Variants in CACNA1G observed in about 807,000 individuals in gnomAD.
CACNA1G encodes the protein calcium voltage-gated channel subunit alpha1 G.
CACNA1G carries 67 observed loss-of-function variants against 219.4 expected under a neutral mutation model. The ratio of observed to expected loss-of-function variants is 0.31; its 90% CI spans 0.25 to 0.37. The LOEUF (loss-of-function observed/expected upper bound fraction) is 0.37. CACNA1G is among the 10% of genes least tolerant of loss of function. The pLI, the probability that CACNA1G is intolerant of heterozygous loss-of-function variation, is 1.00. For missense variants in CACNA1G, 2,380 were observed against 3,231.4 expected, an observed-to-expected ratio of 0.74 and a Z score of 6.39; for synonymous variants, 1,296 against 1,345.3, an observed-to-expected ratio of 0.96 and a Z score of 0.80.
intron 8 of CACNA1G, 35 bp downstream of exon 8, chr17:50,576,361 C>G (rs748417573): frequency 1.6e-4 from 251 of 1,550,250 alleles, no homozygotes; most frequent in Non-Finnish European, 2.0e-4. Context: ...TGGGTGCCCT[C>G]GTCTGGGGAC....
intron 26 of CACNA1G, among the ~76,000 whole-genome samples, chr17:50,612,576 C>T (rs759525135): frequency 5.8e-4 from 89 of 152,264 alleles, no homozygotes; most frequent in Non-Finnish European, 1.1e-3. Flanking sequence ...TGGCCTCTGC[C>T]GTGGGGGGCC....
In CACNA1G at chr17:50,618,961, G is replaced by A. The variant is rs373800859; in HGVS notation, c.5734G>A (p.Ala1912Thr). 2.6e-6 allele frequency: 4 copies of A among 1,560,260 alleles called. No homozygotes were observed. The African/African-American group carries it at 5.4e-5, about 21-fold the overall frequency. ...DSPKPGALHP[A>T]AHARSASHFS... ...CCCCAAGCCTGGGGCTCTGCACCCA[G>A]CGGCCCACGCGAGATCAGCCTCCCA... Residue 1912 changes from alanine to threonine, a missense_variant, in exon 33 of 38, where the codon GCG becomes ACG. This residue lies in a region of CACNA1G where 672 missense variants were observed against 670.5 expected (regional missense o/e 1.00). Transcript: ENST00000359106. The surrounding 1 kb of genome is among the most constrained non-coding windows in gnomAD (Gnocchi z 5.3).
chr17:50,594,853 C>T (rs540638841), intron 13 of CACNA1G, 140 bp from the exon 14 acceptor site: 7 of 629,962 alleles, frequency 1.1e-5, no homozygotes, highest in Non-Finnish European at 2.0e-5. Flanking sequence ...CTCTGCCCCC[C>T]CATTCCCCGT....
At chr17:50,623,184 C>T (rs945114466) in intron 35 of CACNA1G, among the ~76,000 whole-genome samples, 1 of 149,058 alleles carries the variant, frequency 6.7e-6, no homozygotes, top group African/African-American at 2.5e-5. Context: ...TAGCTTTGAC[C>T]CCCCCGGCTC....
rs2039510701 is a variant in CACNA1G at position 50,571,857 on chromosome 17, G to T, written c.587-21G>T. The T allele has an allele frequency of 1.2e-6, 2 of 1,612,256 alleles. No individual in the cohort carries two copies. The highest frequency in any genetic ancestry group is 1.7e-6 in the Non-Finnish European group (2 of 1,179,672). On this transcript the variant is annotated intron_variant, in intron 4 of 37. Coordinates refer to ENST00000359106, the MANE Select transcript of CACNA1G (RefSeq NM_018896.5). This position sits in a 1 kb window ranked among gnomAD's most constrained non-coding sequence, Gnocchi z 4.3. ...TAGCCCGGCCAGCCTGGTGTCCCCAGCGTGGCTTCTGCCCCCACAGGCATG... is the reference window on the plus strand; with the variant it reads ...TAGCCCGGCCAGCCTGGTGTCCCCATCGTGGCTTCTGCCCCCACAGGCATG...
Position 50,618,949 on chromosome 17 carries a change from G to A in CACNA1G, c.5722G>A (p.Ala1908Thr). The change falls in exon 33 of 38, where the codon GCT (alanine) becomes ACT (threonine). Residue 1908 changes from alanine to threonine, a missense_variant. This residue lies in a region of CACNA1G where 672 missense variants were observed against 670.5 expected (regional missense o/e 1.00). Transcript: ENST00000359106. The surrounding 1 kb of genome is among the most constrained non-coding windows in gnomAD (Gnocchi z 5.3). ...PDSPDSPKPGALHPAAHARSA... is the reference protein window; with the variant it reads ...PDSPDSPKPGTLHPAAHARSA... ...CAGCCCCGACAGCCCCAAGCCTGGG[G>A]CTCTGCACCCAGCGGCCCACGCGAG... 1 of 1,587,108 alleles carries A rather than the reference G, an allele frequency of 6.3e-7. No homozygotes were observed. The highest frequency in any genetic ancestry group is 1.1e-5 in the South Asian group (1 of 88,428).
chr17:50,626,711 T>C lies in CACNA1G; in HGVS notation c.7094T>C (p.Leu2365Pro). The change falls in exon 38 of 38, where the codon CTC becomes CCC. Residue 2365 changes from leucine (L) to proline (P), a missense_variant. Leu to Pro is a moderately conservative substitution (Grantham distance 98, BLOSUM62 -3). Coordinates refer to ENST00000359106, the MANE Select transcript of CACNA1G (RefSeq NM_018896.5). This position sits in a 1 kb window ranked among gnomAD's most constrained non-coding sequence, Gnocchi z 4.3. ...SPSPKKDVLS[L>P]SGLSSDPADL... The stretch of plus-strand genomic sequence containing the variant: ...TCCCCAAAGAAAGATGTGCTGAGTC[T>C]CTCCGGTTTATCCTCTGACCCAGCA... 1 of 1,613,246 alleles carries C rather than the reference T, an allele frequency of 6.2e-7. No individual in the cohort carries two copies. Among genetic ancestry groups the C allele is most frequent in the South Asian group, 1.1e-5 (1 of 91,078 alleles).
chr17:50,591,307 C>T lies in CACNA1G; in HGVS notation c.2454-128C>T. On this transcript the variant is annotated intron_variant, in intron 10 of 37. Coordinates refer to ENST00000359106, the MANE Select transcript of CACNA1G (RefSeq NM_018896.5). ...GCTCCTGCTTAGAGGTCTGGGGGCC[C>T]ACCTGTGCCCCATTTTCTCTCGACG... The T allele has an allele frequency of 3.3e-6, 3 of 910,804 alleles. No individual in the cohort carries two copies. The South Asian group carries it at 5.9e-5, about 18-fold the overall frequency. 56.4% of individuals were successfully genotyped at this position (910,804 alleles called of 1,614,324 possible).
chr17:50,617,420 G>GGT lies in CACNA1G; in HGVS notation c.5022-18_5022-17insGT. 2.5e-6 allele frequency: 4 copies of GGT among 1,605,952 alleles called. No homozygotes were observed. The highest frequency in any genetic ancestry group is 3.3e-5 in the Admixed American group (2 of 59,702). ...ACCCCCTCCCCCAACTCAGGGAGCT[G>GGT]TATTCTGGGCTTTCCAGGTGGAACC... On this transcript the variant is annotated splice_polypyrimidine_tract_variant and intron_variant, in intron 28 of 37. Coordinates refer to ENST00000359106, the MANE Select transcript of CACNA1G (RefSeq NM_018896.5). The surrounding 1 kb of genome is among the most constrained non-coding windows in gnomAD (Gnocchi z 5.8).
At chr17:50,624,163 T>C in intron 36 of CACNA1G, 88 bp downstream of exon 36, 1 of 1,493,972 alleles carries the variant, frequency 6.7e-7, no homozygotes, top group Non-Finnish European at 9.2e-7. Flanking sequence ...GATGGGGAAC[T>C]GAGGCAGCCA....
At chr17:50,564,959 TG>T (rs1443631163) in intron 1 of CACNA1G, among the ~76,000 whole-genome samples, 1 of 152,100 alleles carries the variant, frequency 6.6e-6, no homozygotes, top group African/African-American at 2.4e-5. Flanking sequence ...ACCGCTCTGC[TG>T]GGGGACTCCC....
At chr17:50,576,358 C>T (rs756213211) in intron 8 of CACNA1G, 32 bp downstream of exon 8, 1 of 1,553,808 alleles carries the variant, frequency 6.4e-7, no homozygotes, top group Non-Finnish European at 8.7e-7. Flanking sequence ...ATGTGGGTGC[C>T]CTCGTCTGGG....
Position 50,599,481 on chromosome 17 carries a change from C to T in CACNA1G, c.3312C>T (p.Thr1104=), listed in dbSNP as rs2046189660. ...CCTGGAGCGCTGCAAGCAGCTGGAC[C>T]AGCAGGCGCTCCAGCCGGAACAGCC... The part of the protein sequence containing the change: ...HSPWSAASSW[T]SRRSSRNSLG... Residue 1104 remains threonine, a synonymous_variant, in exon 17 of 38, where the codon ACC becomes ACT. Coordinates refer to ENST00000359106, the MANE Select transcript of CACNA1G (RefSeq NM_018896.5). 1 of 1,588,832 alleles carries T rather than the reference C, an allele frequency of 6.3e-7. No homozygotes were observed. Among genetic ancestry groups the T allele is most frequent in the Non-Finnish European group, 8.6e-7 (1 of 1,168,728 alleles).
intron 26 of CACNA1G, among the ~76,000 whole-genome samples, chr17:50,615,116 TG>T (rs1057415383): frequency 1.3e-5 from 2 of 151,678 alleles, no homozygotes; most frequent in Non-Finnish European, 2.9e-5. Context: ...CTAATGTAGG[TG>T]GGGGGCTCTG....
intron 13 of CACNA1G, 27 bp downstream of exon 13, chr17:50,592,119 C>G: frequency 6.3e-7 from 1 of 1,594,460 alleles, no homozygotes; most frequent in Non-Finnish European, 8.6e-7. Flanking sequence ...CCCACCTCAC[C>G]CTGCCCACAG....
At chr17:50,572,917 C>T (rs999330721) in intron 6 of CACNA1G, 63 bp downstream of exon 6, 6 of 1,580,466 alleles carry the variant, frequency 3.8e-6, no homozygotes, top group Non-Finnish European at 1.7e-6. Context: ...AGCCCAGGAT[C>T]GGAGTGGTCG....
intron 8 of CACNA1G, among the ~76,000 whole-genome samples, chr17:50,576,771 C>T (rs2040759585): frequency 6.6e-6 from 1 of 152,176 alleles, no homozygotes; most frequent in Non-Finnish European, 1.5e-5. Flanking sequence ...TGGTGAGGGG[C>T]GGACTCGGGG....
At chr17:50,565,145 G>A (rs201030306) in intron 1 of CACNA1G, among the ~76,000 whole-genome samples, 13 of 137,380 alleles carry the variant, frequency 9.5e-5, no homozygotes, top group South Asian at 2.2e-4. Flanking sequence ...ACACACACGC[G>A]CACACACACA....
At chr17:50,597,785 T>C (rs2045864968) in intron 16 of CACNA1G, among the ~76,000 whole-genome samples, 1 of 152,208 alleles carries the variant, frequency 6.6e-6, no homozygotes, top group Admixed American at 6.5e-5. Context: ...GCCTTCCCCA[T>C]TGGTCCCATC....
Sources: allele counts gnomAD v4.1 joint callset (sites outside exome capture counted in the v4.1 genomes callset), GRCh38; gene constraint gnomAD v4.1.1; regional missense constraint gnomAD v4.1.1; non-coding constraint Gnocchi (gnomAD v3.1); transcripts MANE v1.5; gene names NCBI Gene and HGNC (gene_info 2026-07-23, HGNC 2026-07-21).